Variants in TSHZ2 observed in about 807,000 individuals in gnomAD.
TSHZ2 encodes the protein teashirt homolog 2.
In TSHZ2, 21 loss-of-function variants were observed where a neutral mutation model predicts 74.4. The ratio of observed to expected loss-of-function variants is 0.28; its 90% confidence interval spans 0.20 to 0.41. TSHZ2 has a LOEUF of 0.41. Among genes scored for constraint, TSHZ2 ranks in the 10% least tolerant of loss-of-function variants. The pLI is 1.00. For missense variants in TSHZ2, 1,244 were observed against 1,293.5 expected (o/e 0.96, Z 0.59); for synonymous variants, 540 against 515.3 (o/e 1.05, Z -0.65).
chr20:53,483,889 G>A (rs1986223579), intron 2 of TSHZ2, among the ~76,000 whole-genome samples: 1 of 152,150 alleles, frequency 6.6e-6, no homozygotes, highest in African/African-American at 2.4e-5. Context: ...GCCACTTCAA[G>A]GAAGTGATAA....
intron 1 of TSHZ2, among the ~76,000 whole-genome samples, chr20:53,095,814 G>A (rs529568213): frequency 1.9e-4 from 29 of 151,950 alleles, no homozygotes; most frequent in Non-Finnish European, 3.7e-4. Context: ...GAGCCAAAAC[G>A]GCCCCCAGTT....
At chr20:53,065,875 G>A (rs1201703887) in intron 1 of TSHZ2, among the ~76,000 whole-genome samples, 3 of 152,212 alleles carry the variant, frequency 2.0e-5, no homozygotes, top group South Asian at 2.1e-4. Flanking sequence ...GTTAGGGCAT[G>A]TAGGTTAATT....
At chr20:53,241,078 T>G (rs1247005738) in intron 1 of TSHZ2, among the ~76,000 whole-genome samples, 1 of 152,144 alleles carries the variant, frequency 6.6e-6, no homozygotes, top group African/African-American at 2.4e-5. Flanking sequence ...CTCTTCCTAT[T>G]TACCCATTTT....
intron 1 of TSHZ2, among the ~76,000 whole-genome samples, chr20:52,979,884 G>A (rs1161790835): frequency 6.6e-6 from 1 of 152,162 alleles, no homozygotes; most frequent in African/African-American, 2.4e-5. Context: ...TAGAGATAAT[G>A]AGCTTAGAGA....
At chr20:53,393,304 C>A (rs898789271) in intron 2 of TSHZ2, among the ~76,000 whole-genome samples, 23 of 152,286 alleles carry the variant, frequency 1.5e-4, no homozygotes, top group Admixed American at 1.4e-3. Context: ...AGTATAATGA[C>A]CTTCAGCTCT....
intron 1 of TSHZ2, among the ~76,000 whole-genome samples, chr20:53,055,137 C>A (rs1984596749): frequency 6.6e-6 from 1 of 152,148 alleles, no homozygotes; most frequent in Non-Finnish European, 1.5e-5. Context: ...ACAAAAAAAG[C>A]AAATGAACAG....
At chr20:52,976,051 G>A (rs1336648988) in intron 1 of TSHZ2, among the ~76,000 whole-genome samples, 3 of 152,152 alleles carry the variant, frequency 2.0e-5, no homozygotes, top group Middle Eastern at 3.2e-3. Context: ...CTCCCGGAGC[G>A]CTCTTTTTCC....
intron 2 of TSHZ2, among the ~76,000 whole-genome samples, chr20:53,344,539 T>C (rs1980358776): frequency 6.6e-6 from 1 of 152,074 alleles, no homozygotes; most frequent in Non-Finnish European, 1.5e-5. Context: ...AAGCTGATCA[T>C]TGGTTTTTAT....
intron 1 of TSHZ2, among the ~76,000 whole-genome samples, chr20:53,190,086 A>AT (rs1988691884): frequency 4.0e-5 from 1 of 25,064 alleles, no homozygotes; most frequent in Non-Finnish European, 1.0e-4. Context: ...CCCTGTCTCA[A>AT]ATATATATAT....
chr20:53,410,810 G>A (rs1212749740), intron 2 of TSHZ2, among the ~76,000 whole-genome samples: 1 of 151,588 alleles, frequency 6.6e-6, no homozygotes, highest in Non-Finnish European at 1.5e-5. Context: ...TGAGTAGCTG[G>A]GATTACAGGC....
Position 53,163,451 on chromosome 20 carries a change from A to AT in TSHZ2, c.41-90044dup, listed in dbSNP as rs367808679. On this transcript the variant is annotated intron_variant, in intron 1 of 2. Coordinates refer to ENST00000371497, the MANE Select transcript of TSHZ2 (RefSeq NM_173485.6). ...AGAGCCTTTTATTTTATTTTATTTTATTTTATTTTTTTTTATTATACTCTA... is the reference window on the plus strand; with the variant it reads ...AGAGCCTTTTATTTTATTTTATTTTATTTTTATTTTTTTTTATTATACTCTA... 5.5e-4 allele frequency among the ~76,000 whole-genome samples: 49 copies of AT among 88,720 alleles called. 1 individual carries two copies. The highest frequency in any genetic ancestry group is 8.6e-3 in the Middle Eastern group (1 of 116). 58.2% of individuals were successfully genotyped at this position (88,720 alleles called of 152,430 possible). A position where few individuals can be genotyped will look rare whatever the true frequency, so the allele number is the denominator to read the frequency against.
chr20:53,449,258 T>C (rs974631808), intron 2 of TSHZ2, among the ~76,000 whole-genome samples: 1 of 152,244 alleles, frequency 6.6e-6, no homozygotes, highest in Non-Finnish European at 1.5e-5. Flanking sequence ...GCCTGTTCTT[T>C]AGATTCTCTT....
At chr20:53,005,958 A>T (rs1982628929) in intron 1 of TSHZ2, among the ~76,000 whole-genome samples, 1 of 152,142 alleles carries the variant, frequency 6.6e-6, no homozygotes, top group Non-Finnish European at 1.5e-5. Flanking sequence ...TTTAACACAG[A>T]GCAGGGTGAG....
At chr20:53,463,785 G>A (rs1345294010) in intron 2 of TSHZ2, among the ~76,000 whole-genome samples, 2 of 152,200 alleles carry the variant, frequency 1.3e-5, no homozygotes, top group Non-Finnish European at 2.9e-5. Context: ...CTGCTTAGAG[G>A]CGGGAGCCTC....
At chr20:53,229,236 A>G (rs1025675856) in intron 1 of TSHZ2, among the ~76,000 whole-genome samples, 3 of 152,096 alleles carry the variant, frequency 2.0e-5, no homozygotes, top group Non-Finnish European at 2.9e-5. Context: ...TTTTCTTCCA[A>G]TAGCCCCACC....
At chr20:53,152,552 G>C (rs1465604925) in intron 1 of TSHZ2, among the ~76,000 whole-genome samples, 1 of 152,180 alleles carries the variant, frequency 6.6e-6, no homozygotes, top group Admixed American at 6.5e-5. Context: ...TGGCCAATCA[G>C]ATCTTTTGAG....
intron 2 of TSHZ2, among the ~76,000 whole-genome samples, chr20:53,457,703 G>C (rs1411013728): frequency 1.4e-5 from 2 of 147,634 alleles, no homozygotes; most frequent in Admixed American, 1.3e-4. Flanking sequence ...GTTTGTCATA[G>C]ATAGCTCTTA....
intron 1 of TSHZ2, among the ~76,000 whole-genome samples, chr20:52,997,266 G>T (rs959179376): frequency 3.3e-5 from 5 of 151,002 alleles, no homozygotes; most frequent in African/African-American, 4.9e-5. Context: ...CCCCGGGGGG[G>T]GGTTCAGCAC....
At chr20:52,975,885 T>A (rs1200792185) in intron 1 of TSHZ2, among the ~76,000 whole-genome samples, 1 of 152,164 alleles carries the variant, frequency 6.6e-6, no homozygotes, top group Non-Finnish European at 1.5e-5. Flanking sequence ...GTTCTAAGAT[T>A]ATGGCCATAC....
Sources: gnomAD v4.1 joint callset for allele counts (sites outside exome capture counted in the v4.1 genomes callset) on GRCh38, gnomAD v4.1.1 for gene constraint, MANE v1.5 for transcripts, NCBI Gene and HGNC (gene_info 2026-07-23, HGNC 2026-07-21) for gene names.